CCDC30: variants seen among roughly 807,000 people sequenced by gnomAD.
CCDC30 encodes coiled-coil domain-containing protein 30.
A neutral mutation model predicts 100.2 loss-of-function variants in CCDC30; 70 were observed. The ratio of observed to expected loss-of-function variants is 0.70; its 90% CI spans 0.58 to 0.85. CCDC30 has a LOEUF of 0.85. CCDC30 is among the 40% of genes least tolerant of loss of function. The pLI, the probability that CCDC30 is intolerant of heterozygous loss-of-function variation, is 0.00. For synonymous variants in CCDC30, 233 were observed against 269.5 expected, an observed-to-expected ratio of 0.86 and a Z score of 1.33; for missense variants, 652 against 771.2, an observed-to-expected ratio of 0.85 and a Z score of 1.83.
At chr1:42,460,237 G>A (rs1039975212), upstream of CCDC30, 102 of 1,053,706 alleles carry the variant, frequency 9.7e-5, no homozygotes, top group Non-Finnish European at 1.0e-4. Context: ...AAGGATTATG[G>A]ATGCATGAAT....
chr1:42,510,197 G>T, intron 6 of CCDC30: 5 of 735,228 alleles, frequency 6.8e-6, no homozygotes, highest in Non-Finnish European at 8.3e-6. Context: ...TGATTCCCCT[G>T]TTTCTTTACT....
At chr1:42,471,186 G>T (rs1396781231) in intron 1 of CCDC30, among the ~76,000 whole-genome samples, 1 of 152,048 alleles carries the variant, frequency 6.6e-6, no homozygotes, top group Non-Finnish European at 1.5e-5. Context: ...CTTGAGTATT[G>T]ACCTGAAGCC....
intron 9 of CCDC30, among the ~76,000 whole-genome samples, chr1:42,583,009 A>G (rs1040161291): frequency 6.6e-6 from 1 of 152,214 alleles, no homozygotes; most frequent in Admixed American, 6.5e-5. Context: ...TGAGATGTCT[A>G]TGATATTGGC....
chr1:42,610,522 C>G (rs1570240885), intron 10 of CCDC30, among the ~76,000 whole-genome samples: 1 of 152,146 alleles, frequency 6.6e-6, no homozygotes, highest in Non-Finnish European at 1.5e-5. Context: ...CTCCTAGGCT[C>G]AAGCCATTCT....
chr1:42,509,707 A>G (rs906456979), intron 6 of CCDC30, among the ~76,000 whole-genome samples: 14 of 152,202 alleles, frequency 9.2e-5, no homozygotes, highest in African/African-American at 3.4e-4. Context: ...TTCTTTTAAC[A>G]GAATCATGCA....
chr1:42,526,113 T>C (rs1053493990), intron 6 of CCDC30, among the ~76,000 whole-genome samples: 1 of 152,222 alleles, frequency 6.6e-6, no homozygotes, highest in African/African-American at 2.4e-5. Flanking sequence ...ACAAGATTGC[T>C]ATGCTCTATA....
chr1:42,600,043 C>A (rs1646371597), intron 10 of CCDC30, among the ~76,000 whole-genome samples: 1 of 152,092 alleles, frequency 6.6e-6, no homozygotes, highest in Non-Finnish European at 1.5e-5. Context: ...TATCACCAGA[C>A]AGCACTAGGG....
At position 42,501,395 on chromosome 1, in the gene CCDC30, A is replaced by G. The variant is rs4259702; in HGVS notation, c.456+2479A>G. ...ATGTGTTTATTCTTAGAACAATTCC[A>G]TTCTGTAACTTTATTGTAAGTCTTG... On this transcript the variant is annotated intron_variant, in intron 6 of 16. Transcript: ENST00000668663. Among the ~76,000 whole-genome samples the G allele has an allele frequency of 5.2e-3, 794 of 152,316 alleles. 8 individuals carry two copies. Among genetic ancestry groups the G allele is most frequent in the African/African-American group, 0.018 (767 of 41,572 alleles).
In CCDC30 at chr1:42,511,896, A is replaced by G. The variant is rs1354855415; in HGVS notation, c.456+12980A>G. On this transcript the variant is annotated intron_variant, in intron 6 of 16. Transcript: ENST00000668663. ...GCAGTGCTAGAGGAATTAAAGACAC[A>G]CACAGAAATATAGAGTGTGAAGTGG... 2.6e-5 allele frequency among the ~76,000 whole-genome samples: 4 copies of G among 152,266 alleles called. No homozygotes were observed. In the East Asian group the frequency reaches 7.7e-4, roughly 29 times the overall value.
At chr1:42,654,103 G>A (rs1648574386) in exon 17 of CCDC30, 1 of 1,037,308 alleles carries the variant, frequency 9.6e-7, no homozygotes, top group South Asian at 1.4e-5. Flanking sequence ...CCATGACATT[G>A]AGAAGAGTTA....
intron 6 of CCDC30, chr1:42,533,744 G>A (rs998797363): frequency 4.6e-5 from 7 of 152,300 alleles, no homozygotes; most frequent in African/African-American, 1.7e-4. Context: ...AGAGGGCGCA[G>A]CACAACGCAA....
At chr1:42,472,927 G>A (rs1393601342) in intron 1 of CCDC30, among the ~76,000 whole-genome samples, 1 of 151,978 alleles carries the variant, frequency 6.6e-6, no homozygotes, top group East Asian at 1.9e-4. Flanking sequence ...AAATATCTTG[G>A]ATTTTCCAAG....
intron 6 of CCDC30, among the ~76,000 whole-genome samples, chr1:42,502,234 A>G (rs941597497): frequency 6.7e-5 from 10 of 149,598 alleles, no homozygotes; most frequent in Non-Finnish European, 7.4e-5. Context: ...GCAAGGCTCC[A>G]TGGGCGTGGG....
chr1:42,470,006 C>T (rs529039993), intron 1 of CCDC30, among the ~76,000 whole-genome samples: 13 of 152,110 alleles, frequency 8.5e-5, no homozygotes, highest in Admixed American at 2.6e-4. Flanking sequence ...TGTTCTCTAT[C>T]GGCACTCAGC....
At chr1:42,651,143 G>A (rs1648310947) in intron 15 of CCDC30, among the ~76,000 whole-genome samples, 1 of 152,146 alleles carries the variant, frequency 6.6e-6, no homozygotes, top group Non-Finnish European at 1.5e-5. Context: ...CTACATAGGG[G>A]AAAAACTACA....
At chr1:42,557,059 C>T (rs764796339) in intron 6 of CCDC30, among the ~76,000 whole-genome samples, 6 of 152,192 alleles carry the variant, frequency 3.9e-5, no homozygotes, top group Non-Finnish European at 7.3e-5. Flanking sequence ...TTCTCTCTTA[C>T]ACAAATTAAA....
At chr1:42,485,802 C>T (rs1644040250) in intron 3 of CCDC30, among the ~76,000 whole-genome samples, 2 of 152,132 alleles carry the variant, frequency 1.3e-5, no homozygotes, top group Admixed American at 6.6e-5. Flanking sequence ...TTGATTTAAT[C>T]ACCCCACAAT....
intron 9 of CCDC30, among the ~76,000 whole-genome samples, chr1:42,585,926 ATACT>A (rs71780341): frequency 0.2 from 30,074 of 152,010 alleles, 3,235 homozygotes; most frequent in South Asian, 0.42. Flanking sequence ...ACTTTATGTA[ATACT>A]TACATCTTTT....
At chr1:42,495,489 T>C (rs113347932) in intron 4 of CCDC30, among the ~76,000 whole-genome samples, 2,158 of 149,114 alleles carry the variant, frequency 0.014, 49 homozygotes, top group African/African-American at 0.051. Flanking sequence ...ACATGTACCC[T>C]AAAACTTAAA....
Sources: gnomAD v4.1 joint callset for allele counts (sites outside exome capture counted in the v4.1 genomes callset) on GRCh38, gnomAD v4.1.1 for gene constraint, MANE v1.5 for transcripts, NCBI Gene and HGNC (gene_info 2026-07-23, HGNC 2026-07-21) for gene names.